CD101: variants seen among roughly 807,000 people sequenced by gnomAD.
The protein encoded by CD101 is CD101 molecule, also known as immunoglobulin superfamily member 2.
CD101 carries 76 observed loss-of-function variants against 98.2 expected under a neutral mutation model. The ratio of observed to expected loss-of-function variants is 0.77; its 90% CI spans 0.64 to 0.94. CD101 has a LOEUF of 0.94. CD101 is among the 40% of genes least tolerant of loss of function. CD101 has a pLI of 0.00. For missense variants in CD101, 1,145 were observed against 1,218.8 expected (o/e 0.94, Z 0.90); for synonymous variants, 471 against 472.7 (o/e 1.00, Z 0.05).
chr1:117,026,141 G>A, intron 8 of CD101: 2 of 433,424 alleles, frequency 4.6e-6, no homozygotes. Context: ...GCATCTGACA[G>A]GTCCATGTCT....
chr1:117,011,615 T>C lies in CD101; in HGVS notation c.490T>C (p.Leu164=). Residue 164 remains leucine (L), a synonymous_variant, in exon 3 of 10, where the codon TTA becomes CTA. Transcript: ENST00000682167. The part of the protein sequence containing the change: ...QTLGKEEGEP[L]ALTCEASKAT... ...TCTCGGTAAGGAGGAAGGTGAGCCA[T>C]TAGCCCTCACCTGTGAGGCATCCAA... 1 of 1,614,116 alleles carries C rather than the reference T, an allele frequency of 6.2e-7. No individual in the cohort carries two copies. Among genetic ancestry groups the C allele is most frequent in the East Asian group, 2.2e-5 (1 of 44,878 alleles).
At chr1:117,024,052 C>T (rs1653747378) in intron 7 of CD101, among the ~76,000 whole-genome samples, 1 of 152,154 alleles carries the variant, frequency 6.6e-6, no homozygotes, top group African/African-American at 2.4e-5. Flanking sequence ...TAATTTGAGA[C>T]AAGGAAACAG....
chr1:117,007,123 G>T (rs1224996726), intron 1 of CD101, among the ~76,000 whole-genome samples: 1 of 151,720 alleles, frequency 6.6e-6, no homozygotes, highest in Non-Finnish European at 1.5e-5. Context: ...TACAACATAA[G>T]AAAATTTTTA....
At position 117,019,050 on chromosome 1, in the gene CD101, A is replaced by G. The variant is rs184342210; in HGVS notation, c.2017+490A>G. The stretch of plus-strand genomic sequence containing the variant: ...AAGAGTCAGAGAATTTATTATTACA[A>G]TCAAATATAATCCATCTCATCAACT... On this transcript the variant is annotated intron_variant, in intron 6 of 9. Transcript: ENST00000682167. The surrounding 1 kb of genome is among the most constrained non-coding windows in gnomAD (Gnocchi z 4.3). Among the ~76,000 whole-genome samples, 4 of 152,328 alleles carry G rather than the reference A, an allele frequency of 2.6e-5. No homozygotes were observed. In the East Asian group the frequency reaches 7.7e-4, roughly 29 times the overall value.
rs1654607044 is a variant in CD101 at position 117,033,659 on chromosome 1, G to C, written c.2825-201G>C. Among the ~76,000 whole-genome samples, 1 of 152,168 alleles carries C rather than the reference G, an allele frequency of 6.6e-6. No individual in the cohort carries two copies. The highest frequency in any genetic ancestry group is 1.5e-5 in the Non-Finnish European group (1 of 68,034). Reference sequence around the variant, plus strand: ...GGAAATCGCAGGGCAAGGGGCTGTTGCATTAGAAGAGCCTGTTCCAGGAGC... The same window carrying C: ...GGAAATCGCAGGGCAAGGGGCTGTTCCATTAGAAGAGCCTGTTCCAGGAGC... On this transcript the variant is annotated intron_variant, in intron 8 of 9. Transcript: ENST00000682167. The surrounding 1 kb of genome is among the most constrained non-coding windows in gnomAD (Gnocchi z 4.8).
chr1:117,010,349 A>G lies in CD101; in HGVS notation c.424+119A>G. ...TCCATTTTCTTTGGGAAAAGAGCCC[A>G]TGTACCCCTGTGGATATTTTGGAGA... On this transcript the variant is annotated intron_variant, in intron 2 of 9. Coordinates refer to ENST00000682167, the MANE Select transcript of CD101 (RefSeq NM_001256106.3). This position sits in a 1 kb window ranked among gnomAD's most constrained non-coding sequence, Gnocchi z 5.2. The G allele has an allele frequency of 5.7e-6, 6 of 1,056,408 alleles. No homozygotes were observed. The highest frequency in any genetic ancestry group is 8.2e-6 in the Non-Finnish European group (6 of 734,916). The allele number at this position is 1,056,408 out of a possible 1,614,324, so 65.4% of individuals were successfully genotyped here.
intron 6 of CD101, among the ~76,000 whole-genome samples, chr1:117,020,648 A>T (rs1653523665): frequency 6.6e-6 from 1 of 152,210 alleles, no homozygotes; most frequent in Non-Finnish European, 1.5e-5. Context: ...GGCAAATATC[A>T]CTGTGCTGTG....
intron 8 of CD101, among the ~76,000 whole-genome samples, chr1:117,029,020 G>C (rs538090241): frequency 1.3e-5 from 2 of 151,586 alleles, no homozygotes; most frequent in Non-Finnish European, 2.9e-5. Flanking sequence ...TTATGTTTTA[G>C]AGGGGAGAAA....
At position 117,033,978 on chromosome 1, in the gene CD101, C is replaced by G; in HGVS notation, c.2943C>G (p.Ala981=). ...CCCTCCTCTGCTTATACTGGAAGGC[C>G]AGGAAGTTGTCAACACTGCGTTCCA... The part of the protein sequence containing the change: ...LISLLCLYWK[A]RKLSTLRSNT... The change falls in exon 9 of 10, where the codon GCC becomes GCG. Residue 981 remains alanine (A), a synonymous_variant. Transcript: ENST00000682167. The surrounding 1 kb of genome is among the most constrained non-coding windows in gnomAD (Gnocchi z 4.8). 1 of 1,614,128 alleles carries G rather than the reference C, an allele frequency of 6.2e-7. No individual in the cohort carries two copies. The highest frequency in any genetic ancestry group is 1.1e-5 in the South Asian group (1 of 91,078).
In CD101 at chr1:117,022,680, A is replaced by G. The variant is rs887167395; in HGVS notation, c.2428+697A>G. Among the ~76,000 whole-genome samples, 2 of 152,230 alleles carry G rather than the reference A, an allele frequency of 1.3e-5. No homozygotes were observed. The highest frequency in any genetic ancestry group is 4.8e-5 in the African/African-American group (2 of 41,460). On this transcript the variant is annotated intron_variant, in intron 7 of 9. Coordinates refer to ENST00000682167, the MANE Select transcript of CD101 (RefSeq NM_001256106.3). This position sits in a 1 kb window ranked among gnomAD's most constrained non-coding sequence, Gnocchi z 4.8. The stretch of plus-strand genomic sequence containing the variant: ...CAAGATCCTACAGCACAATGCAGAG[A>G]AGTTGATCTAATTTGGTGCTTGAAA...
chr1:117,004,168 AT>A lies in CD101; in HGVS notation c.43+2310del, dbSNP rs1377392086. Among the ~76,000 whole-genome samples the A allele has an allele frequency of 6.6e-6, 1 of 152,112 alleles. No individual in the cohort carries two copies. Among genetic ancestry groups the A allele is most frequent in the Non-Finnish European group, 1.5e-5 (1 of 68,012 alleles). ...TATGGCAGGGTTTGGGGGAAGGGCT[AT>A]TGTCTGTCTTACTGAGTTTGCATTC... On this transcript the variant is annotated intron_variant, in intron 1 of 9. Coordinates refer to ENST00000682167, the MANE Select transcript of CD101 (RefSeq NM_001256106.3). This position sits in a 1 kb window ranked among gnomAD's most constrained non-coding sequence, Gnocchi z 4.1.
Position 117,018,554 on chromosome 1 carries a change from T to G in CD101, c.2011T>G (p.Leu671Val). Residue 671 changes from leucine (L) to valine (V), a missense_variant, in exon 6 of 10, where the codon TTA becomes GTA. Leu to Val is a conservative substitution (Grantham distance 32). Coordinates refer to ENST00000682167, the MANE Select transcript of CD101 (RefSeq NM_001256106.3). This position sits in a 1 kb window ranked among gnomAD's most constrained non-coding sequence, Gnocchi z 4.3. ...ISHPLRIAVT[L>V]PESKLKVNSR... ...TCACCCACTGAGGATAGCCGTCACT[T>G]TACCAGGTAAGTGTGACTTGAAATT... 1 of 1,582,758 alleles carries G rather than the reference T, an allele frequency of 6.3e-7. No homozygotes were observed. The highest frequency in any genetic ancestry group is 8.6e-7 in the Non-Finnish European group (1 of 1,162,620).
chr1:117,017,028 AT>A, intron 4 of CD101, 61 bp from the exon 5 acceptor site: 1 of 1,529,776 alleles, frequency 6.5e-7, no homozygotes, highest in Non-Finnish European at 8.9e-7. Context: ...ATTTCACTGT[AT>A]TTTAGAACAT....
chr1:117,033,770 C>T lies in CD101; in HGVS notation c.2825-90C>T, dbSNP rs1350884691. On this transcript the variant is annotated intron_variant, in intron 8 of 9. Transcript: ENST00000682167. The surrounding 1 kb of genome is among the most constrained non-coding windows in gnomAD (Gnocchi z 4.8). The stretch of plus-strand genomic sequence containing the variant: ...GCCCCATTATTTTTACATATACTTG[C>T]CTATAACAATAAATCCCAGGAGTGT... 2.6e-6 allele frequency: 4 copies of T among 1,547,060 alleles called. No homozygotes were observed. The highest frequency in any genetic ancestry group is 3.5e-6 in the Non-Finnish European group (4 of 1,135,718).
chr1:117,013,501 C>T lies in CD101; in HGVS notation c.937C>T (p.Pro313Ser). Residue 313 changes from proline (P) to serine (S), a missense_variant, in exon 4 of 10, where the codon CCA (proline) becomes TCA (serine). Transcript: ENST00000682167. ...CCTGGTTGTAAGCAGTGGCCGTGAC[C>T]CACAGCTTCAAGGCATTTGGTTCTT... is the stretch of plus-strand genomic sequence containing the variant. ...VCLVVSSGRD[P>S]QLQGIWFFNG... 6.2e-7 allele frequency: 1 copy of T among 1,614,136 alleles called. No individual in the cohort carries two copies. Among genetic ancestry groups the T allele is most frequent in the Non-Finnish European group, 8.5e-7 (1 of 1,180,028 alleles).
chr1:117,032,850 T>C (rs1014698277), intron 8 of CD101: 1 of 152,376 alleles, frequency 6.6e-6, no homozygotes, highest in African/African-American at 2.4e-5. Context: ...GGGCTGCTTG[T>C]GCGTGCTCTG....
At chr1:117,026,096 C>A (rs1653906998) in intron 8 of CD101, 192 bp downstream of exon 8, 3 of 573,222 alleles carry the variant, frequency 5.2e-6, no homozygotes, top group Non-Finnish European at 8.9e-6. Context: ...ACAAGGTCCA[C>A]ATGAGATTTT....
intron 1 of CD101, among the ~76,000 whole-genome samples, chr1:117,003,510 T>C (rs1652365202): frequency 1.3e-5 from 2 of 152,156 alleles, no homozygotes; most frequent in South Asian, 4.1e-4. Context: ...TGGTGTGTTT[T>C]TGTTGTTTGG....
chr1:117,015,586 G>T (rs781764910), intron 4 of CD101, among the ~76,000 whole-genome samples: 1 of 152,230 alleles, frequency 6.6e-6, no homozygotes, highest in Middle Eastern at 3.4e-3. Context: ...TCCTTCCTCC[G>T]CAGGGAAGAA....
Sources: allele counts gnomAD v4.1 joint callset (sites outside exome capture counted in the v4.1 genomes callset), GRCh38; gene constraint gnomAD v4.1.1; non-coding constraint Gnocchi (gnomAD v3.1); transcripts MANE v1.5; gene names NCBI Gene and HGNC (gene_info 2026-07-23, HGNC 2026-07-21).